Variants in TCF4 observed in about 807,000 individuals in gnomAD.
TCF4 encodes SL3-3 enhancer factor 2.
TCF4 carries 3 observed loss-of-function variants against 82.1 expected under a neutral mutation model. That is an observed-to-expected ratio of 0.04 (90% CI 0.02 to 0.09). The LOEUF (loss-of-function observed/expected upper bound fraction) is 0.09. Ranked by LOEUF, TCF4 falls within the 10% of genes least tolerant of loss-of-function variation. The probability of loss-of-function intolerance (pLI) is 1.00; values close to 1 mark genes in which losing one functional copy is unlikely to be tolerated. For synonymous variants in TCF4, 276 were observed against 309.6 expected, an observed-to-expected ratio of 0.89 and a Z score of 1.14; for missense variants, 518 against 852.7, an observed-to-expected ratio of 0.61 and a Z score of 4.89.
chr18:55,332,816 C>G (rs1376697243), intron 8 of TCF4, among the ~76,000 whole-genome samples: 1 of 152,188 alleles, frequency 6.6e-6, no homozygotes, highest in East Asian at 1.9e-4. Context: ...GATATAGACT[C>G]CATTTGACAA....
At chr18:55,478,314 C>G (rs1751647408) in intron 3 of TCF4, among the ~76,000 whole-genome samples, 1 of 152,174 alleles carries the variant, frequency 6.6e-6, no homozygotes, top group South Asian at 2.1e-4. Flanking sequence ...GGGAAAATAG[C>G]CACTAAGCCA....
chr18:55,261,427 C>A (rs189610944), intron 12 of TCF4, 39 bp downstream of exon 12: 2 of 1,605,840 alleles, frequency 1.2e-6, no homozygotes, highest in East Asian at 2.2e-5. Context: ...TCACCCTTTA[C>A]AATGGTACAT....
chr18:55,375,205 T>C (rs1321408948), intron 6 of TCF4, among the ~76,000 whole-genome samples: 2 of 151,160 alleles, frequency 1.3e-5, no homozygotes, highest in Non-Finnish European at 3.0e-5. Context: ...ATAAAATATA[T>C]AAATATAAAA....
At chr18:55,281,943 C>A (rs2062696677) in intron 8 of TCF4, among the ~76,000 whole-genome samples, 2 of 152,022 alleles carry the variant, frequency 1.3e-5, no homozygotes, top group Non-Finnish European at 2.9e-5. Context: ...TATGTAATTT[C>A]TATTTTTCTG....
intron 6 of TCF4, among the ~76,000 whole-genome samples, chr18:55,399,732 C>T (rs967471466): frequency 6.6e-6 from 1 of 151,878 alleles, no homozygotes; most frequent in Non-Finnish European, 1.5e-5. Context: ...AATGATAAAA[C>T]CTAGCTGCAC....
At chr18:55,402,617 A>G (rs1033687308) in intron 6 of TCF4, among the ~76,000 whole-genome samples, 1 of 152,170 alleles carries the variant, frequency 6.6e-6, no homozygotes, top group Non-Finnish European at 1.5e-5. Context: ...GCACTTATAA[A>G]AAGGAAGTAT....
At chr18:55,488,834 CAA>C (rs774952699) in intron 3 of TCF4, among the ~76,000 whole-genome samples, 3 of 152,162 alleles carry the variant, frequency 2.0e-5, no homozygotes, top group Non-Finnish European at 4.4e-5. Context: ...GAAGAGAAGT[CAA>C]AGGGAGAAAA....
intron 8 of TCF4, chr18:55,322,169 C>CAACT: frequency 9.6e-7 from 1 of 1,038,838 alleles, no homozygotes; most frequent in Non-Finnish European, 1.1e-6. Context: ...AATTTCCACT[C>CAACT]AACTGCCTTA....
chr18:55,472,798 A>G (rs542423849), intron 3 of TCF4, among the ~76,000 whole-genome samples: 8 of 152,186 alleles, frequency 5.3e-5, no homozygotes, highest in African/African-American at 1.9e-4. Context: ...GTTTCAAAGT[A>G]CTTAAATAAA....
chr18:55,391,061 T>A (rs2093041886), intron 6 of TCF4, among the ~76,000 whole-genome samples: 1 of 152,242 alleles, frequency 6.6e-6, no homozygotes, highest in African/African-American at 2.4e-5. Flanking sequence ...TGAGGGACGA[T>A]GTCATAGCAG....
chr18:55,475,649 G>A (rs976013466), intron 3 of TCF4, among the ~76,000 whole-genome samples: 2 of 152,176 alleles, frequency 1.3e-5, no homozygotes, highest in Non-Finnish European at 2.9e-5. Context: ...TTAGACAAGC[G>A]ATAACCCATC....
intron 5 of TCF4, among the ~76,000 whole-genome samples, chr18:55,418,047 CTG>C (rs1264190062): frequency 7.1e-6 from 1 of 140,580 alleles, no homozygotes; most frequent in Non-Finnish European, 1.6e-5. Context: ...GTGTGTGTAT[CTG>C]TGTGTGTAGT....
At chr18:55,240,645 C>T (rs2050927135) in intron 15 of TCF4, among the ~76,000 whole-genome samples, 1 of 152,206 alleles carries the variant, frequency 6.6e-6, no homozygotes, top group African/African-American at 2.4e-5. Context: ...ACACTAGAGG[C>T]ACAGAGGCTC....
intron 3 of TCF4, among the ~76,000 whole-genome samples, chr18:55,489,997 G>A (rs972023235): frequency 7.2e-5 from 11 of 152,156 alleles, no homozygotes; most frequent in Non-Finnish European, 1.6e-4. Flanking sequence ...CAAAATACAT[G>A]CGGATACTTT....
rs147514292 is a variant in TCF4 at position 55,271,416 on chromosome 18, A to C, written c.790-1453T>G. 4.2e-4 allele frequency among the ~76,000 whole-genome samples: 64 copies of C among 152,262 alleles called. No homozygotes were observed. In the East Asian group the frequency reaches 0.012, roughly 28 times the overall value. ...CAATGAACAATTGGTTATCAGTCAG[A>C]ATTTAATAAACAGTGGATTGAAGTA... On this transcript the variant is annotated intron_variant, in intron 10 of 19. Transcript: ENST00000354452.
chr18:55,514,531 G>A (rs1010037102), intron 3 of TCF4, among the ~76,000 whole-genome samples: 11 of 151,992 alleles, frequency 7.2e-5, no homozygotes, highest in South Asian at 6.2e-4. Context: ...AGATGTAAAC[G>A]TGGTAACAGT....
chr18:55,542,328 A>T (rs1172186851), intron 3 of TCF4, among the ~76,000 whole-genome samples: 2 of 151,988 alleles, frequency 1.3e-5, no homozygotes, highest in African/African-American at 4.8e-5. Flanking sequence ...TTCTTGACTC[A>T]TTTAAACACA....
chr18:55,402,973 A>G (rs1381091004), intron 6 of TCF4, among the ~76,000 whole-genome samples: 6 of 152,176 alleles, frequency 3.9e-5, no homozygotes, highest in African/African-American at 1.4e-4. Context: ...AGGGACAACA[A>G]ATCATATTTT....
At chr18:55,321,017 A>G (rs1309509098) in intron 8 of TCF4, 2 of 152,680 alleles carry the variant, frequency 1.3e-5, no homozygotes, top group Admixed American at 6.5e-5. Flanking sequence ...CACACAGCAC[A>G]AATAACTTAT....
Sources: allele counts gnomAD v4.1 joint callset (sites outside exome capture counted in the v4.1 genomes callset), GRCh38; gene constraint gnomAD v4.1.1; transcripts MANE v1.5; gene names NCBI Gene and HGNC (gene_info 2026-07-23, HGNC 2026-07-21).